Variants in PLCB1 observed in about 807,000 individuals in gnomAD.
PLCB1 encodes 1-phosphatidylinositol 4,5-bisphosphate phosphodiesterase beta-1.
PLCB1 carries 46 observed loss-of-function variants against 161.8 expected under a neutral mutation model. The observed-to-expected ratio is 0.28, with a 90% CI of 0.22 to 0.36. The LOEUF is 0.36. PLCB1 is among the 10% of genes least tolerant of loss of function. The probability of loss-of-function intolerance (pLI) is 1.00; values close to 1 mark genes in which losing one functional copy is unlikely to be tolerated. For synonymous variants in PLCB1, 517 were observed against 503.7 expected, an observed-to-expected ratio of 1.03 and a Z score of -0.35; for missense variants, 1,016 against 1,472.5, an observed-to-expected ratio of 0.69 and a Z score of 5.07.
intron 3 of PLCB1, among the ~76,000 whole-genome samples, chr20:8,519,235 A>T (rs577285823): frequency 1.9e-4 from 29 of 152,224 alleles, no homozygotes; most frequent in Admixed American, 7.8e-4. Context: ...TAGCTTACAG[A>T]CTGGAGAGTA....
At chr20:8,238,938 A>G (rs949810709) in intron 2 of PLCB1, among the ~76,000 whole-genome samples, 1 of 151,900 alleles carries the variant, frequency 6.6e-6, no homozygotes, top group Non-Finnish European at 1.5e-5. Flanking sequence ...TGGACTTAAG[A>G]GTGTAGCATC....
chr20:8,873,195 A>G (rs371528325), intron 31 of PLCB1, among the ~76,000 whole-genome samples: 15 of 148,490 alleles, frequency 1.0e-4, no homozygotes, highest in African/African-American at 3.7e-4. Context: ...TAACATGACT[A>G]ACCTCAGTCT....
At chr20:8,300,487 ACT>A (rs766519482) in intron 2 of PLCB1, among the ~76,000 whole-genome samples, 10 of 151,588 alleles carry the variant, frequency 6.6e-5, no homozygotes, top group Non-Finnish European at 1.3e-4. Context: ...TCCCATTTAT[ACT>A]CTCTCACAGC....
intron 4 of PLCB1, among the ~76,000 whole-genome samples, chr20:8,643,768 C>CCTCTCCCTCTCCCTCTCT: frequency 6.8e-6 from 1 of 147,500 alleles, no homozygotes; most frequent in Non-Finnish European, 1.5e-5. Context: ...TCTCCCTCTC[C>CCTCTCCCTCTCCCTCTCT]CTCTCCCTCT....
intron 9 of PLCB1, among the ~76,000 whole-genome samples, chr20:8,683,947 G>T (rs972803601): frequency 1.3e-5 from 2 of 149,280 alleles, no homozygotes; most frequent in African/African-American, 4.9e-5. Context: ...GTAGTGGTGC[G>T]ATCTCAGCTC....
chr20:8,570,182 C>G (rs983784305), intron 3 of PLCB1, among the ~76,000 whole-genome samples: 1 of 152,114 alleles, frequency 6.6e-6, no homozygotes, highest in Non-Finnish European at 1.5e-5. Context: ...AACCATTGAA[C>G]AAAATTTCAG....
At chr20:8,150,491 G>A in intron 2 of PLCB1, 120 bp downstream of exon 2, 1 of 487,026 alleles carries the variant, frequency 2.1e-6, no homozygotes, top group Middle Eastern at 3.7e-4. Flanking sequence ...TTATTTAAAG[G>A]TTCTACTTTT....
Position 8,513,836 on chromosome 20 carries a change from C to T in PLCB1, c.247-114458C>T, listed in dbSNP as rs184937477. Among the ~76,000 whole-genome samples the T allele has an allele frequency of 4.0e-5, 6 of 151,628 alleles. No individual in the cohort carries two copies. The South Asian group carries it at 6.3e-4, about 16-fold the overall frequency. Reference sequence around the variant, plus strand: ...ACCAGCCTGGGCAAAATAGTAAGACCTCTGTCTCTATTAAAAAAAAAGTTA... The same window carrying T: ...ACCAGCCTGGGCAAAATAGTAAGACTTCTGTCTCTATTAAAAAAAAAGTTA... On this transcript the variant is annotated intron_variant, in intron 3 of 31. Transcript: ENST00000338037.
Position 8,160,706 on chromosome 20 carries a change from G to T in PLCB1, c.177+10335G>T, listed in dbSNP as rs544465065. On this transcript the variant is annotated intron_variant, in intron 2 of 31. Transcript: ENST00000338037. ...CGGGGGAATTCAAGATGAGATTTGG[G>T]TGGGGACACAGCCAAACCTATCACT... Among the ~76,000 whole-genome samples the T allele has an allele frequency of 2.0e-5, 3 of 152,250 alleles. No homozygotes were observed. In the East Asian group the frequency reaches 5.8e-4, roughly 29 times the overall value.
chr20:8,162,055 T>A (rs1233933143), intron 2 of PLCB1, among the ~76,000 whole-genome samples: 1 of 152,154 alleles, frequency 6.6e-6, no homozygotes, highest in African/African-American at 2.4e-5. Context: ...ATTACTAGGA[T>A]TTTTTTAGAA....
At chr20:8,443,933 T>G (rs1980685656) in intron 3 of PLCB1, among the ~76,000 whole-genome samples, 1 of 152,184 alleles carries the variant, frequency 6.6e-6, no homozygotes, top group African/African-American at 2.4e-5. Flanking sequence ...CAACTTCTTT[T>G]GTTGGTTCTT....
chr20:8,564,015 C>CA (rs1271655235), intron 3 of PLCB1, among the ~76,000 whole-genome samples: 20 of 151,902 alleles, frequency 1.3e-4, no homozygotes, highest in African/African-American at 4.8e-4. Context: ...CATATGGAAC[C>CA]AAAAAAGAGC....
intron 31 of PLCB1, among the ~76,000 whole-genome samples, chr20:8,798,724 A>T (rs1455321870): frequency 6.6e-6 from 1 of 152,216 alleles, no homozygotes; most frequent in African/African-American, 2.4e-5. Flanking sequence ...TGAGTATTAC[A>T]CAATGACTGC....
chr20:8,574,968 A>G (rs1337592490), intron 3 of PLCB1, among the ~76,000 whole-genome samples: 1 of 152,202 alleles, frequency 6.6e-6, no homozygotes, highest in Non-Finnish European at 1.5e-5. Flanking sequence ...TGTAATCGGT[A>G]TGGAAGGGAC....
chr20:8,292,247 T>G (rs1187628885), intron 2 of PLCB1, among the ~76,000 whole-genome samples: 1 of 152,044 alleles, frequency 6.6e-6, no homozygotes, highest in African/African-American at 2.4e-5. Flanking sequence ...TCAAAAAGCT[T>G]CTGCTTGCCT....
At chr20:8,835,930 G>T (rs1237306420) in intron 31 of PLCB1, among the ~76,000 whole-genome samples, 1 of 152,046 alleles carries the variant, frequency 6.6e-6, no homozygotes, top group African/African-American at 2.4e-5. Context: ...GAACCTTTCT[G>T]CTGCTTTGCC....
At chr20:8,656,418 AT>A (rs1989457453) in intron 7 of PLCB1, among the ~76,000 whole-genome samples, 1 of 152,066 alleles carries the variant, frequency 6.6e-6, no homozygotes, top group Non-Finnish European at 1.5e-5. Context: ...GGCTTGAAAA[AT>A]AAAAATAATC....
At chr20:8,327,704 T>C (rs1455638657) in intron 2 of PLCB1, among the ~76,000 whole-genome samples, 2 of 152,218 alleles carry the variant, frequency 1.3e-5, no homozygotes, top group Non-Finnish European at 2.9e-5. Context: ...TTCTAATTTC[T>C]AATGTTTAAG....
intron 23 of PLCB1, among the ~76,000 whole-genome samples, chr20:8,743,528 C>T (rs940455464): frequency 1.5e-4 from 23 of 152,034 alleles, no homozygotes; most frequent in Admixed American, 5.9e-4. Context: ...GGCCACATTT[C>T]GACTTATCTT....
Sources: allele counts gnomAD v4.1 joint callset (sites outside exome capture counted in the v4.1 genomes callset), GRCh38; gene constraint gnomAD v4.1.1; transcripts MANE v1.5; gene names NCBI Gene and HGNC (gene_info 2026-07-23, HGNC 2026-07-21).